NKAIN3: variants seen among roughly 807,000 people sequenced by gnomAD.
The protein encoded by NKAIN3 is sodium/potassium transporting ATPase interacting 3.
In NKAIN3, 25 loss-of-function variants were observed where a neutral mutation model predicts 30.2. The observed-to-expected ratio is 0.83, with a 90% CI of 0.60 to 1.16. NKAIN3 has a LOEUF of 1.16. NKAIN3 is among the 50% of genes most tolerant of loss of function. The pLI is 0.00. For missense variants in NKAIN3, 225 were observed against 254.1 expected (o/e 0.89, Z 0.78); for synonymous variants, 91 against 89.6 (o/e 1.02, Z -0.09).
At chr8:62,541,800 A>G (rs1189430197) in intron 1 of NKAIN3, among the ~76,000 whole-genome samples, 1 of 152,104 alleles carries the variant, frequency 6.6e-6, no homozygotes, top group East Asian at 1.9e-4. Flanking sequence ...TATTTTTCTG[A>G]AAATATAAAT....
chr8:62,678,008 A>G (rs1813529972), intron 3 of NKAIN3, among the ~76,000 whole-genome samples: 1 of 152,178 alleles, frequency 6.6e-6, no homozygotes, highest in African/African-American at 2.4e-5. Flanking sequence ...TTCAGTGAGA[A>G]AGCTTAACAC....
chr8:62,840,984 T>C (rs990010500), intron 4 of NKAIN3, among the ~76,000 whole-genome samples: 5 of 152,078 alleles, frequency 3.3e-5, no homozygotes, highest in Non-Finnish European at 4.4e-5. Flanking sequence ...AGCTAGAGGG[T>C]TCACACATCT....
intron 6 of NKAIN3, among the ~76,000 whole-genome samples, chr8:62,962,705 T>C (rs1294855423): frequency 6.6e-6 from 1 of 152,172 alleles, no homozygotes; most frequent in Non-Finnish European, 1.5e-5. Context: ...AATCACTGAG[T>C]TAGAGACGCA....
chr8:62,405,825 A>G lies in NKAIN3; in HGVS notation c.54+156698A>G, dbSNP rs551749060. ...CATCAGTGGATGTTTCTATTTGGCC[A>G]CCTTGCTCTGCCTCGACATTCAAGT... On this transcript the variant is annotated intron_variant, in intron 1 of 6. Coordinates refer to ENST00000623646, the MANE Select transcript of NKAIN3 (RefSeq NM_001304533.3). 4.6e-5 allele frequency among the ~76,000 whole-genome samples: 7 copies of G among 152,244 alleles called. No individual in the cohort carries two copies. The South Asian group carries it at 1.5e-3, about 32-fold the overall frequency.
At chr8:62,591,837 C>A (rs1418852598) in intron 3 of NKAIN3, among the ~76,000 whole-genome samples, 1 of 151,958 alleles carries the variant, frequency 6.6e-6, no homozygotes, top group Non-Finnish European at 1.5e-5. Context: ...TATGGGAAAT[C>A]TATTTTGGAA....
intron 1 of NKAIN3, among the ~76,000 whole-genome samples, chr8:62,387,814 G>T (rs562621349): frequency 6.6e-6 from 1 of 152,212 alleles, no homozygotes; most frequent in South Asian, 2.1e-4. Context: ...CAGTGAGATT[G>T]GTAGTAAATA....
intron 1 of NKAIN3, among the ~76,000 whole-genome samples, chr8:62,415,468 C>G (rs75706454): frequency 6.7e-6 from 1 of 149,376 alleles, no homozygotes; most frequent in Non-Finnish European, 1.5e-5. Context: ...AGCTGAGCAT[C>G]TTGGCTTGCC....
chr8:62,646,414 C>T (rs1425309287), intron 3 of NKAIN3, among the ~76,000 whole-genome samples: 3 of 152,050 alleles, frequency 2.0e-5, no homozygotes, highest in Admixed American at 6.6e-5. Context: ...CACCCAACTC[C>T]AAATAAGTCA....
intron 1 of NKAIN3, among the ~76,000 whole-genome samples, chr8:62,489,183 A>ATTTTTTT (rs56881745): frequency 7.0e-6 from 1 of 142,590 alleles, no homozygotes. Flanking sequence ...CACCTGGCTA[A>ATTTTTTT]TTTTTTTTTT....
At chr8:62,655,712 G>C (rs188113072) in intron 3 of NKAIN3, among the ~76,000 whole-genome samples, 1 of 152,074 alleles carries the variant, frequency 6.6e-6, no homozygotes, top group Admixed American at 6.6e-5. Context: ...TGCCCATTTT[G>C]GGCATCCAGT....
chr8:62,485,834 C>T (rs1806882894), intron 1 of NKAIN3, among the ~76,000 whole-genome samples: 1 of 152,148 alleles, frequency 6.6e-6, no homozygotes, highest in African/African-American at 2.4e-5. Flanking sequence ...AACAACAGAT[C>T]AGATATGAAC....
chr8:62,383,881 C>CTT (rs202071193), intron 1 of NKAIN3, among the ~76,000 whole-genome samples: 8 of 145,784 alleles, frequency 5.5e-5, no homozygotes, highest in Non-Finnish European at 9.1e-5. Flanking sequence ...CATGAATTTT[C>CTT]TTTTTTTTTT....
chr8:62,673,009 T>C (rs1040075805), intron 3 of NKAIN3, among the ~76,000 whole-genome samples: 1 of 152,230 alleles, frequency 6.6e-6, no homozygotes, highest in Non-Finnish European at 1.5e-5. Context: ...CTATGTTATC[T>C]TATTTATACT....
At chr8:62,677,348 C>A (rs1563512431) in intron 3 of NKAIN3, among the ~76,000 whole-genome samples, 1 of 152,226 alleles carries the variant, frequency 6.6e-6, no homozygotes, top group Admixed American at 6.5e-5. Flanking sequence ...AGTAATTCAT[C>A]AAGGCAAGGA....
At chr8:62,366,686 T>G (rs533966848) in intron 1 of NKAIN3, among the ~76,000 whole-genome samples, 1 of 152,300 alleles carries the variant, frequency 6.6e-6, no homozygotes, top group Admixed American at 6.5e-5. Flanking sequence ...GTTTCTCTAG[T>G]TTCTCTTTAT....
At chr8:62,575,317 G>A (rs1467856072) in intron 1 of NKAIN3, among the ~76,000 whole-genome samples, 1 of 151,974 alleles carries the variant, frequency 6.6e-6, no homozygotes, top group African/African-American at 2.4e-5. Flanking sequence ...ATTTCTGTAT[G>A]CCAACAGCAA....
intron 1 of NKAIN3, among the ~76,000 whole-genome samples, chr8:62,553,539 CT>C (rs34367834): frequency 0.026 from 3,752 of 142,780 alleles, 134 homozygotes; most frequent in African/African-American, 0.086. Context: ...ATACTGAACA[CT>C]TTTTTTTTTT....
At chr8:62,871,793 T>C (rs1295925030) in intron 4 of NKAIN3, among the ~76,000 whole-genome samples, 1 of 152,234 alleles carries the variant, frequency 6.6e-6, no homozygotes, top group African/African-American at 2.4e-5. Flanking sequence ...TCACCACTTG[T>C]GGAAAATGAT....
In NKAIN3 at chr8:62,438,842, T is replaced by G. The variant is rs969918438; in HGVS notation, c.55-140697T>G. On this transcript the variant is annotated intron_variant, in intron 1 of 6. Transcript: ENST00000623646. ...CCTCCCAGAGTGTTGGGATTACAGG[T>G]GCGAGCCACTGAGCCTGGCCAGGAA... 3.4e-4 allele frequency among the ~76,000 whole-genome samples: 51 copies of G among 152,084 alleles called. 1 individual carries two copies. Among genetic ancestry groups the G allele is most frequent in the Non-Finnish European group, 2.9e-5 (2 of 68,020 alleles).
Sources: allele counts gnomAD v4.1 joint callset (sites outside exome capture counted in the v4.1 genomes callset), GRCh38; gene constraint gnomAD v4.1.1; transcripts MANE v1.5; gene names NCBI Gene and HGNC (gene_info 2026-07-23, HGNC 2026-07-21).